Variants in SEMA6D observed in about 807,000 individuals in gnomAD.
SEMA6D encodes the protein semaphorin-6D.
Under a neutral mutation model 106.6 loss-of-function variants are expected in SEMA6D, and 35 were observed. The ratio of observed to expected loss-of-function variants is 0.33; its 90% CI spans 0.25 to 0.44. SEMA6D has a LOEUF of 0.44. Ranked by LOEUF, SEMA6D falls within the 20% of genes least tolerant of loss-of-function variation. The pLI is 1.00. For missense variants in SEMA6D, 1,185 were observed against 1,345.9 expected, an observed-to-expected ratio of 0.88 and a Z score of 1.87; for synonymous variants, 499 against 487.7, an observed-to-expected ratio of 1.02 and a Z score of -0.31.
At chr15:47,691,843 A>G (rs1168605122) in intron 4 of SEMA6D, among the ~76,000 whole-genome samples, 1 of 108,490 alleles carries the variant, frequency 9.2e-6, no homozygotes, top group Non-Finnish European at 2.1e-5. Context: ...GTGGAAGAAA[A>G]GACAGTAAAA....
chr15:47,674,343 C>T (rs1408911459), intron 4 of SEMA6D, among the ~76,000 whole-genome samples: 3 of 152,164 alleles, frequency 2.0e-5, no homozygotes, highest in African/African-American at 7.2e-5. Context: ...GTGGGAAAAG[C>T]GACTGATTCC....
intron 3 of SEMA6D, among the ~76,000 whole-genome samples, chr15:47,593,071 A>G (rs1406439853): frequency 6.6e-6 from 1 of 152,138 alleles, no homozygotes; most frequent in Non-Finnish European, 1.5e-5. Flanking sequence ...TTGGTCTAGA[A>G]TTTCAGAAGC....
In SEMA6D at chr15:47,466,911, C is replaced by T. The variant is rs150454408; in HGVS notation, c.-158-3563C>T. ...CTGGCTTTTTTTTTTTTTTTTGTAGCAGAAGTGAGGTTTCACCATGTTGGC... is the reference window on the plus strand; with the variant it reads ...CTGGCTTTTTTTTTTTTTTTTGTAGTAGAAGTGAGGTTTCACCATGTTGGC... On this transcript the variant is annotated intron_variant, in intron 2 of 19. Transcript: ENST00000558014. Among the ~76,000 whole-genome samples, 80 of 143,040 alleles carry T rather than the reference C, an allele frequency of 5.6e-4. No individual in the cohort carries two copies. In the East Asian group the frequency reaches 0.013, roughly 24 times the overall value. 93.8% of individuals were successfully genotyped at this position (143,040 alleles called of 152,430 possible).
At chr15:47,367,452 C>T (rs1393973670) in intron 1 of SEMA6D, among the ~76,000 whole-genome samples, 6 of 152,140 alleles carry the variant, frequency 3.9e-5, no homozygotes, top group Non-Finnish European at 1.5e-5. Context: ...CTTCTCACAT[C>T]AATTAACCAC....
intron 1 of SEMA6D, among the ~76,000 whole-genome samples, chr15:47,260,582 A>G (rs2034023811): frequency 6.6e-6 from 1 of 151,764 alleles, no homozygotes; most frequent in Non-Finnish European, 1.5e-5. Context: ...ATGTGATAGG[A>G]TTTTTCTGCC....
chr15:47,562,033 G>A (rs1021285898), intron 3 of SEMA6D, among the ~76,000 whole-genome samples: 6 of 152,038 alleles, frequency 3.9e-5, no homozygotes, highest in African/African-American at 1.4e-4. Context: ...TACCTGATTT[G>A]AAGGTATATT....
chr15:47,324,173 A>G (rs547310745), intron 1 of SEMA6D, among the ~76,000 whole-genome samples: 2 of 152,306 alleles, frequency 1.3e-5, no homozygotes, highest in East Asian at 1.9e-4. Flanking sequence ...GACCAAACAA[A>G]TGCAGTCAAT....
intron 3 of SEMA6D, among the ~76,000 whole-genome samples, chr15:47,500,021 A>G (rs2043798839): frequency 1.3e-5 from 2 of 152,158 alleles, no homozygotes; most frequent in African/African-American, 4.8e-5. Flanking sequence ...CCATCTCTGC[A>G]GCAAAAATCT....
intron 1 of SEMA6D, among the ~76,000 whole-genome samples, chr15:47,277,139 T>C (rs1322630490): frequency 6.6e-6 from 1 of 152,158 alleles, no homozygotes; most frequent in African/African-American, 2.4e-5. Flanking sequence ...TTGCTTCTTA[T>C]GGGTGAGCAA....
At chr15:47,672,983 T>C (rs2078167656) in intron 4 of SEMA6D, among the ~76,000 whole-genome samples, 1 of 152,162 alleles carries the variant, frequency 6.6e-6, no homozygotes, top group African/African-American at 2.4e-5. Flanking sequence ...CTATAGCTTC[T>C]GGTGCCTACG....
At chr15:47,370,003 A>G (rs1002498342) in intron 1 of SEMA6D, among the ~76,000 whole-genome samples, 1 of 152,216 alleles carries the variant, frequency 6.6e-6, no homozygotes, top group African/African-American at 2.4e-5. Context: ...AGGTCCACAT[A>G]TGTTATGTAA....
chr15:47,575,182 A>G (rs1267358627), intron 3 of SEMA6D, among the ~76,000 whole-genome samples: 4 of 152,248 alleles, frequency 2.6e-5, no homozygotes, highest in African/African-American at 7.2e-5. Flanking sequence ...GTAGCAATCT[A>G]TTCCACTCTG....
At chr15:47,579,383 C>T (rs1255839906) in intron 3 of SEMA6D, among the ~76,000 whole-genome samples, 3 of 151,828 alleles carry the variant, frequency 2.0e-5, no homozygotes, top group Non-Finnish European at 4.4e-5. Flanking sequence ...CTCAGGTGAC[C>T]CACCCACCTA....
chr15:47,598,992 G>A (rs887607464), intron 3 of SEMA6D, among the ~76,000 whole-genome samples: 2 of 152,040 alleles, frequency 1.3e-5, no homozygotes, highest in Non-Finnish European at 2.9e-5. Flanking sequence ...CTAAGTCTGT[G>A]TTTCCCAAAA....
chr15:47,529,881 A>G (rs547303684), intron 3 of SEMA6D, among the ~76,000 whole-genome samples: 5 of 152,316 alleles, frequency 3.3e-5, no homozygotes, highest in African/African-American at 1.2e-4. Context: ...AGTTTGAAAG[A>G]GCATGTTCCA....
At chr15:47,328,732 A>G (rs1039989010) in intron 1 of SEMA6D, among the ~76,000 whole-genome samples, 1 of 152,230 alleles carries the variant, frequency 6.6e-6, no homozygotes, top group Non-Finnish European at 1.5e-5. Context: ...TAGCCTCTTC[A>G]TCCAAGCAAG....
intron 4 of SEMA6D, among the ~76,000 whole-genome samples, chr15:47,702,235 G>A (rs1012166225): frequency 4.6e-5 from 7 of 152,172 alleles, no homozygotes; most frequent in Non-Finnish European, 8.8e-5. Context: ...CCTCACCAAA[G>A]AAGATATACA....
chr15:47,558,945 G>A (rs2045994118), intron 3 of SEMA6D, among the ~76,000 whole-genome samples: 1 of 152,078 alleles, frequency 6.6e-6, no homozygotes, highest in Admixed American at 6.6e-5. Context: ...TTTGAGCAGA[G>A]TCTTGGAGCA....
At chr15:47,278,004 G>C (rs2034917637) in intron 1 of SEMA6D, among the ~76,000 whole-genome samples, 1 of 151,974 alleles carries the variant, frequency 6.6e-6, no homozygotes, top group Non-Finnish European at 1.5e-5. Context: ...TCTTAATCCA[G>C]TCTATCATTG....
Sources: gnomAD v4.1 joint callset for allele counts (sites outside exome capture counted in the v4.1 genomes callset) on GRCh38, gnomAD v4.1.1 for gene constraint, MANE v1.5 for transcripts, NCBI Gene and HGNC (gene_info 2026-07-23, HGNC 2026-07-21) for gene names.